BRAF: variants seen among roughly 807,000 people sequenced by gnomAD.
BRAF encodes B-Raf proto-oncogene, serine/threonine kinase, also known as serine/threonine-protein kinase B-raf.
A neutral mutation model predicts 104.6 loss-of-function variants in BRAF; 16 were observed. The ratio of observed to expected loss-of-function variants is 0.15; its 90% CI spans 0.10 to 0.23. BRAF has a LOEUF of 0.23. Ranked by LOEUF, BRAF falls within the 10% of genes least tolerant of loss-of-function variation. BRAF has a pLI of 1.00. For synonymous variants in BRAF, 310 were observed against 341.6 expected (o/e 0.91, Z 1.02); for missense variants, 541 against 937.3 (o/e 0.58, Z 5.52).
intron 17 of BRAF, among the ~76,000 whole-genome samples, chr7:140,742,300 T>C (rs745375535): frequency 7.9e-5 from 12 of 152,046 alleles, no homozygotes; most frequent in Non-Finnish European, 1.6e-4. Flanking sequence ...CAAGAGATTC[T>C]ACTGCCTCAG....
intron 2 of BRAF, among the ~76,000 whole-genome samples, chr7:140,844,131 G>A (rs1170391189): frequency 2.6e-5 from 4 of 152,066 alleles, no homozygotes; most frequent in African/African-American, 9.7e-5. Flanking sequence ...ACATGCATAT[G>A]GGATAAGAAC....
intron 1 of BRAF, among the ~76,000 whole-genome samples, chr7:140,916,983 C>T (rs1817698699): frequency 6.6e-6 from 1 of 152,202 alleles, no homozygotes. Flanking sequence ...CCAAAACTCA[C>T]AAACATAAGC....
chr7:140,870,889 A>C (rs1811505106), intron 1 of BRAF, among the ~76,000 whole-genome samples: 1 of 150,514 alleles, frequency 6.6e-6, no homozygotes, highest in South Asian at 2.1e-4. Flanking sequence ...AAAAAAAAAA[A>C]GACTTTTAAC....
chr7:140,736,856 G>C (rs544893309), intron 18 of BRAF, among the ~76,000 whole-genome samples: 2 of 152,162 alleles, frequency 1.3e-5, no homozygotes, highest in Admixed American at 6.5e-5. Flanking sequence ...GGGCAACATA[G>C]TGAGAATCTA....
chr7:140,840,278 A>ACAT (rs1446627353), intron 2 of BRAF, among the ~76,000 whole-genome samples: 2 of 152,234 alleles, frequency 1.3e-5, no homozygotes, highest in African/African-American at 2.4e-5. Flanking sequence ...ACCTTTGATT[A>ACAT]GGCAATGGTC....
chr7:140,716,596 AGTATCT>A (rs1190871165), downstream of BRAF, among the ~76,000 whole-genome samples: 3 of 152,190 alleles, frequency 2.0e-5, no homozygotes, highest in African/African-American at 7.2e-5. Flanking sequence ...ACACATTTAC[AGTATCT>A]GTTCCTCTCT....
intron 1 of BRAF, among the ~76,000 whole-genome samples, chr7:140,856,326 A>G (rs1426680259): frequency 2.0e-5 from 3 of 152,058 alleles, no homozygotes; most frequent in Non-Finnish European, 4.4e-5. Flanking sequence ...TGGTTGAAAG[A>G]ATCACAGTAC....
chr7:140,811,628 G>A (rs181310551), intron 3 of BRAF, among the ~76,000 whole-genome samples: 352 of 152,236 alleles, frequency 2.3e-3, no homozygotes, highest in Non-Finnish European at 3.3e-3. Flanking sequence ...TGCAAAGTAG[G>A]CAGGCTCTCA....
chr7:140,866,768 C>T (rs757960628), intron 1 of BRAF, among the ~76,000 whole-genome samples: 1 of 151,958 alleles, frequency 6.6e-6, no homozygotes, highest in Non-Finnish European at 1.5e-5. Context: ...ATTATCTTCT[C>T]TCCATGCATC....
At chr7:140,777,441 T>C (rs1180655123) in intron 13 of BRAF, among the ~76,000 whole-genome samples, 1 of 152,182 alleles carries the variant, frequency 6.6e-6, no homozygotes, top group Non-Finnish European at 1.5e-5. Flanking sequence ...TCTTACAACT[T>C]TCACCTCTGG....
intron 17 of BRAF, among the ~76,000 whole-genome samples, chr7:140,742,117 T>G (rs911238765): frequency 1.6e-4 from 25 of 152,184 alleles, no homozygotes; most frequent in African/African-American, 6.0e-4. Flanking sequence ...GTCTATAGTC[T>G]TTAAATTAGA....
intron 12 of BRAF, among the ~76,000 whole-genome samples, chr7:140,779,317 G>T (rs1434876204): frequency 6.6e-6 from 1 of 152,036 alleles, no homozygotes; most frequent in African/African-American, 2.4e-5. Flanking sequence ...GCTCACTGCA[G>T]CCTTGAACTC....
chr7:140,786,923 TG>T (rs1329112621), intron 9 of BRAF, among the ~76,000 whole-genome samples: 1 of 152,210 alleles, frequency 6.6e-6, no homozygotes, highest in Non-Finnish European at 1.5e-5. Context: ...ATTTTAAAAC[TG>T]TAGTCTACGG....
At chr7:140,716,111 C>T (rs893504438), downstream of BRAF, among the ~76,000 whole-genome samples, 8 of 152,190 alleles carry the variant, frequency 5.3e-5, no homozygotes, top group Non-Finnish European at 1.2e-4. Context: ...ATGATGCACA[C>T]TATTTTCATT....
intron 1 of BRAF, among the ~76,000 whole-genome samples, chr7:140,910,360 T>C (rs1816830083): frequency 6.6e-6 from 1 of 152,218 alleles, no homozygotes; most frequent in African/African-American, 2.4e-5. Flanking sequence ...CACTAGCCCA[T>C]AACAACTTCC....
At chr7:140,781,428 G>A in intron 12 of BRAF, 148 bp downstream of exon 11, 1 of 800,904 alleles carries the variant, frequency 1.2e-6, no homozygotes, top group East Asian at 2.6e-5. Flanking sequence ...ATTTTTGTTA[G>A]AAACTTTTGG....
intron 14 of BRAF, among the ~76,000 whole-genome samples, chr7:140,764,219 C>T (rs555409239): frequency 6.6e-6 from 1 of 151,518 alleles, no homozygotes; most frequent in South Asian, 2.1e-4. Flanking sequence ...TCAATAGATG[C>T]AGAAAAGGCC....
intron 5 of BRAF, among the ~76,000 whole-genome samples, chr7:140,807,662 A>G (rs1803801584): frequency 1.3e-5 from 2 of 152,204 alleles, no homozygotes; most frequent in Admixed American, 1.3e-4. Flanking sequence ...GTTAATCTAA[A>G]CAAATGTTGG....
At chr7:140,840,266 T>G (rs1807794892) in intron 2 of BRAF, among the ~76,000 whole-genome samples, 1 of 152,216 alleles carries the variant, frequency 6.6e-6, no homozygotes, top group African/African-American at 2.4e-5. Flanking sequence ...TAAATCATCC[T>G]GACCTTTGAT....
Sources: gnomAD v4.1 joint callset for allele counts (sites outside exome capture counted in the v4.1 genomes callset) on GRCh38, gnomAD v4.1.1 for gene constraint, MANE v1.5 for transcripts, NCBI Gene and HGNC (gene_info 2026-07-23, HGNC 2026-07-21) for gene names.